The following LMTK2 variants were observed in gnomAD, a reference collection of about 807,000 sequenced individuals.
LMTK2 encodes the protein serine/threonine-protein kinase LMTK2.
Under a neutral mutation model 127.5 loss-of-function variants are expected in LMTK2, and 37 were observed. The ratio of observed to expected loss-of-function variants is 0.29; its 90% CI spans 0.22 to 0.38. The LOEUF is 0.38. Ranked by LOEUF, LMTK2 falls within the 10% of genes least tolerant of loss-of-function variation. The pLI is 1.00. For synonymous variants in LMTK2, 819 were observed against 810.1 expected, an observed-to-expected ratio of 1.01 and a Z score of -0.19; for missense variants, 1,694 against 1,920.3, an observed-to-expected ratio of 0.88 and a Z score of 2.20.
Position 98,193,062 on chromosome 7 carries a change from C to T in LMTK2, c.2597C>T (p.Pro866Leu), listed in dbSNP as rs781217186. 2.0e-5 allele frequency: 32 copies of T among 1,613,770 alleles called. No individual in the cohort carries two copies. Among genetic ancestry groups the T allele is most frequent in the South Asian group, 4.4e-5 (4 of 91,080 alleles). Reference protein sequence around the residue: ...QDISPDAVTVPVEILSTDART... With the variant: ...QDISPDAVTVLVEILSTDART... ...ATCAGTCCAGACGCTGTGACTGTCCCGGTTGAAATTCTCTCAACTGATGCC... is the reference window on the plus strand; with the variant it reads ...ATCAGTCCAGACGCTGTGACTGTCCTGGTTGAAATTCTCTCAACTGATGCC... The change falls in exon 11 of 14, where the codon CCG becomes CTG. Residue 866 changes from proline to leucine, a missense_variant. Around this residue, in one of 8 missense-constraint regions of LMTK2, gnomAD observed 527 missense variants for 539.8 expected, o/e 0.98. Coordinates refer to ENST00000297293, the MANE Select transcript of LMTK2 (RefSeq NM_014916.4). The surrounding 1 kb of genome is among the most constrained non-coding windows in gnomAD (Gnocchi z 4.1).
Position 98,171,914 on chromosome 7 carries a change from G to A in LMTK2, c.791+240G>A, listed in dbSNP as rs934202030. On this transcript the variant is annotated intron_variant, in intron 7 of 13. Coordinates refer to ENST00000297293, the MANE Select transcript of LMTK2 (RefSeq NM_014916.4). This position sits in a 1 kb window ranked among gnomAD's most constrained non-coding sequence, Gnocchi z 5.1. ...TATTATTTCCAGCATTTCAAAGAAT[G>A]TGAATAGTTGTACCTGCCTCAGAGT... Among the ~76,000 whole-genome samples, 2 of 152,230 alleles carry A rather than the reference G, an allele frequency of 1.3e-5. No individual in the cohort carries two copies. Among genetic ancestry groups the A allele is most frequent in the Non-Finnish European group, 1.5e-5 (1 of 68,046 alleles).
At chr7:98,191,026 G>A in intron 10 of LMTK2, 149 bp downstream of exon 10, 1 of 745,096 alleles carries the variant, frequency 1.3e-6, no homozygotes, top group Non-Finnish European at 2.2e-6. Context: ...AATGTGGTTG[G>A]CAGTGATGAA....
chr7:98,188,934 C>G (rs62479818), intron 9 of LMTK2, among the ~76,000 whole-genome samples: 11,639 of 152,110 alleles, frequency 0.077, 668 homozygotes, highest in Non-Finnish European at 0.12. Flanking sequence ...TTCTGTAACT[C>G]CCATAATGTG....
At chr7:98,117,517 C>T (rs932637313) in intron 1 of LMTK2, among the ~76,000 whole-genome samples, 1 of 152,096 alleles carries the variant, frequency 6.6e-6, no homozygotes, top group South Asian at 2.1e-4. Context: ...CTCCTGGGTG[C>T]CCCGCTGACA....
At position 98,208,821 on chromosome 7, in the gene LMTK2, G is replaced by A. The variant is rs1462881970; in HGVS notation, c.*3329G>A. 1.3e-5 allele frequency: 2 copies of A among 152,244 alleles called. No individual in the cohort carries two copies. Among genetic ancestry groups the A allele is most frequent in the African/African-American group, 2.4e-5 (1 of 41,468 alleles). The allele number at this position is 152,244 out of a possible 1,614,324, so 9.4% of individuals were successfully genotyped here. A position where few individuals can be genotyped will look rare whatever the true frequency, so the allele number is the denominator to read the frequency against. The stretch of plus-strand genomic sequence containing the variant: ...AACAACGTTCGTTCTATTTTTAAAT[G>A]TACAGGTTCGATCGTTTCTATAGAA... On this transcript the variant is annotated 3_prime_UTR_variant, in exon 14 of 14. Transcript: ENST00000297293.
chr7:98,169,998 A>C (rs1797160617), intron 6 of LMTK2, among the ~76,000 whole-genome samples: 2 of 152,212 alleles, frequency 1.3e-5, no homozygotes, highest in African/African-American at 4.8e-5. Context: ...GATTGATAGG[A>C]TTGACCTTCA....
intron 4 of LMTK2, among the ~76,000 whole-genome samples, chr7:98,152,239 G>C (rs141844100): frequency 1.3e-5 from 2 of 152,008 alleles, no homozygotes; most frequent in Admixed American, 1.3e-4. Flanking sequence ...TTTTTTTATC[G>C]TAGATGGCTC....
At chr7:98,133,883 TA>T (rs1352473685) in intron 1 of LMTK2, among the ~76,000 whole-genome samples, 1 of 152,122 alleles carries the variant, frequency 6.6e-6, no homozygotes, top group African/African-American at 2.4e-5. Context: ...AATAAATAAG[TA>T]GTTTGTGATG....
At position 98,193,049 on chromosome 7, in the gene LMTK2, G is replaced by T. The variant is rs34005293; in HGVS notation, c.2584G>T (p.Ala862Ser). Residue 862 changes from alanine (A) to serine (S), a missense_variant, in exon 11 of 14, where the codon GCT (alanine) becomes TCT (serine). By Grantham distance (99) the Ala-to-Ser change is moderately conservative. Transcript: ENST00000297293. The surrounding 1 kb of genome is among the most constrained non-coding windows in gnomAD (Gnocchi z 4.1). ...DCLHQDISPD[A>S]VTVPVEILST... Reference sequence around the variant, plus strand: ...TCTCCACCAGGACATCAGTCCAGACGCTGTGACTGTCCCGGTTGAAATTCT... The same window carrying T: ...TCTCCACCAGGACATCAGTCCAGACTCTGTGACTGTCCCGGTTGAAATTCT... The T allele has an allele frequency of 1.5e-5, 25 of 1,613,826 alleles. No individual in the cohort carries two copies. Among genetic ancestry groups the T allele is most frequent in the Admixed American group, 3.3e-5 (2 of 60,000 alleles).
Position 98,180,506 on chromosome 7 carries a change from G to T in LMTK2, c.792-4545G>T, listed in dbSNP as rs895551968. Among the ~76,000 whole-genome samples, 29 of 152,298 alleles carry T rather than the reference G, an allele frequency of 1.9e-4. No homozygotes were observed. The South Asian group carries it at 2.9e-3, about 15-fold the overall frequency. On this transcript the variant is annotated intron_variant, in intron 7 of 13. Coordinates refer to ENST00000297293, the MANE Select transcript of LMTK2 (RefSeq NM_014916.4). ...TGTGTGGAAAGTTCCTTTAGAAAAAGTAGTTTTTACTTGTCAAATTGTGTG... is the reference window on the plus strand; with the variant it reads ...TGTGTGGAAAGTTCCTTTAGAAAAATTAGTTTTTACTTGTCAAATTGTGTG...
chr7:98,167,281 A>G (rs1373249439), intron 6 of LMTK2, among the ~76,000 whole-genome samples: 3 of 152,240 alleles, frequency 2.0e-5, no homozygotes, highest in African/African-American at 7.2e-5. Flanking sequence ...TAGAGACACA[A>G]TAGGGAACTA....
intron 3 of LMTK2, among the ~76,000 whole-genome samples, chr7:98,148,857 G>A (rs1404312876): frequency 1.3e-5 from 2 of 152,178 alleles, no homozygotes; most frequent in Non-Finnish European, 2.9e-5. Flanking sequence ...GAAAGCCTGT[G>A]TTCTTCCTCA....
intron 3 of LMTK2, among the ~76,000 whole-genome samples, chr7:98,149,032 C>T (rs1391087112): frequency 1.3e-5 from 2 of 152,196 alleles, no homozygotes; most frequent in Non-Finnish European, 2.9e-5. Context: ...TTGTTTTTGC[C>T]CTAGGTGGCA....
At position 98,187,015 on chromosome 7, in the gene LMTK2, C is replaced by T. The variant is rs6465657; in HGVS notation, c.998+17C>T. The T allele has an allele frequency of 0.48, 760,087 of 1,596,282 alleles. 196,711 individuals are homozygous for T. The highest frequency in any genetic ancestry group is 0.61 in the Middle Eastern group (3,671 of 5,988). The stretch of plus-strand genomic sequence containing the variant: ...TAATATCTGGTACGTATTGGCTTAC[C>T]GTTTTATTAGTCATTTCTTTGGCAA... On this transcript the variant is annotated intron_variant, in intron 9 of 13. Transcript: ENST00000297293.
intron 2 of LMTK2, 53 bp downstream of exon 2, chr7:98,137,495 TAGA>T: frequency 6.4e-7 from 1 of 1,558,348 alleles, no homozygotes. Context: ...TGTTTTTCAA[TAGA>T]ATAACTGGAT....
chr7:98,111,582 A>G (rs1038559701), intron 1 of LMTK2, among the ~76,000 whole-genome samples: 11 of 152,214 alleles, frequency 7.2e-5, no homozygotes, highest in African/African-American at 2.4e-4. Context: ...TTAGAACTCC[A>G]TCATTAAAAA....
chr7:98,156,003 A>G (rs1362918186), intron 5 of LMTK2, among the ~76,000 whole-genome samples: 1 of 152,192 alleles, frequency 6.6e-6, no homozygotes, highest in Non-Finnish European at 1.5e-5. Context: ...ATTTATAAGA[A>G]ACTCTCAAAA....
At chr7:98,155,382 T>A (rs1796912885) in intron 5 of LMTK2, among the ~76,000 whole-genome samples, 1 of 152,150 alleles carries the variant, frequency 6.6e-6, no homozygotes, top group African/African-American at 2.4e-5. Flanking sequence ...GAAAAAGGAT[T>A]CAAAGCAGTA....
intron 3 of LMTK2, among the ~76,000 whole-genome samples, chr7:98,144,607 C>A (rs935272411): frequency 6.6e-6 from 1 of 152,036 alleles, no homozygotes; most frequent in Non-Finnish European, 1.5e-5. Context: ...CACTCCCATT[C>A]ACATTTACTT....
Sources: gnomAD v4.1 joint callset for allele counts (sites outside exome capture counted in the v4.1 genomes callset) on GRCh38, gnomAD v4.1.1 for gene constraint, gnomAD v4.1.1 regional missense constraint, Gnocchi (gnomAD v3.1) non-coding constraint, MANE v1.5 for transcripts, NCBI Gene and HGNC (gene_info 2026-07-23, HGNC 2026-07-21) for gene names.